The following SLIT3 variants were observed in gnomAD, a reference collection of about 807,000 sequenced individuals.
SLIT3 encodes the protein slit guidance ligand 3.
A neutral mutation model predicts 184.0 loss-of-function variants in SLIT3; 68 were observed. The ratio of observed to expected loss-of-function variants is 0.37; its 90% CI spans 0.30 to 0.45. The LOEUF (loss-of-function observed/expected upper bound fraction) is 0.45, where lower values mean the gene tolerates loss of function less well. Ranked by LOEUF, SLIT3 falls within the 20% of genes least tolerant of loss-of-function variation. SLIT3 has a pLI of 1.00. For missense variants in SLIT3, 1,707 were observed against 2,026.0 expected (o/e 0.84, Z 3.02); for synonymous variants, 831 against 828.6 (o/e 1.00, Z -0.05).
intron 20 of SLIT3, among the ~76,000 whole-genome samples, chr5:168,738,735 G>A (rs1383168892): frequency 2.6e-5 from 4 of 152,094 alleles, no homozygotes; most frequent in Non-Finnish European, 4.4e-5. Flanking sequence ...TCAGGAGATC[G>A]AGACCATCCT....
intron 3 of SLIT3, among the ~76,000 whole-genome samples, chr5:169,217,989 C>G (rs1034663311): frequency 3.3e-5 from 5 of 152,340 alleles, no homozygotes; most frequent in Admixed American, 3.3e-4. Flanking sequence ...ACCTTTTCGT[C>G]TCACACCCAA....
chr5:168,841,401 C>T (rs1274248367), intron 6 of SLIT3, among the ~76,000 whole-genome samples: 2 of 152,140 alleles, frequency 1.3e-5, no homozygotes, highest in African/African-American at 2.4e-5. Flanking sequence ...ATTCCTCCTC[C>T]GTAGTGGCAT....
At chr5:169,227,360 C>T (rs951910741) in intron 3 of SLIT3, among the ~76,000 whole-genome samples, 1 of 152,118 alleles carries the variant, frequency 6.6e-6, no homozygotes. Flanking sequence ...ACCTTACATG[C>T]GTTATCTTAA....
At chr5:169,001,138 T>C (rs1291134302) in intron 4 of SLIT3, among the ~76,000 whole-genome samples, 27 of 152,262 alleles carry the variant, frequency 1.8e-4, no homozygotes, top group Non-Finnish European at 1.0e-4. Context: ...AGTGCTTTGC[T>C]ATTTTTATAA....
intron 4 of SLIT3, among the ~76,000 whole-genome samples, chr5:168,938,724 G>A (rs1015082935): frequency 6.6e-6 from 1 of 152,038 alleles, no homozygotes; most frequent in South Asian, 2.1e-4. Context: ...TCCTCCTCCC[G>A]GGTTCAAGCG....
At chr5:168,997,453 G>A (rs922601866) in intron 4 of SLIT3, among the ~76,000 whole-genome samples, 1 of 152,152 alleles carries the variant, frequency 6.6e-6, no homozygotes, top group African/African-American at 2.4e-5. Flanking sequence ...CTGAAAGAGG[G>A]AGGGTCTTCT....
chr5:168,718,677 T>TACACACACACACAC lies in SLIT3; in HGVS notation c.2483+3565_2483+3578dup, dbSNP rs1163238928. 2.1e-3 allele frequency among the ~76,000 whole-genome samples: 226 copies of TACACACACACACAC among 108,668 alleles called. 12 individuals carry two copies. The highest frequency in any genetic ancestry group is 0.011 in the Middle Eastern group (2 of 184). 71.3% of individuals were successfully genotyped at this position (108,668 alleles called of 152,430 possible). On this transcript the variant is annotated intron_variant, in intron 23 of 35. Coordinates refer to ENST00000519560, the MANE Select transcript of SLIT3 (RefSeq NM_003062.4). ...CCTGAAATGTATTCATATCCACCCA[T>TACACACACACACAC]ACACACACACACACACACACACACA... is the stretch of plus-strand genomic sequence containing the variant.
At chr5:168,835,357 G>A (rs1424606554) in intron 6 of SLIT3, among the ~76,000 whole-genome samples, 2 of 152,004 alleles carry the variant, frequency 1.3e-5, no homozygotes, top group Non-Finnish European at 2.9e-5. Flanking sequence ...TTAGTTACAA[G>A]TTAAAAGAAA....
Position 169,300,779 on chromosome 5 carries a change from CG to C in SLIT3, c.-71del. 1 of 1,239,334 alleles carries C rather than the reference CG, an allele frequency of 8.1e-7. No homozygotes were observed. Among genetic ancestry groups the C allele is most frequent in the African/African-American group, 1.6e-5 (1 of 63,930 alleles). 76.8% of individuals were successfully genotyped at this position (1,239,334 alleles called of 1,614,324 possible). On this transcript the variant is annotated 5_prime_UTR_variant, in exon 1 of 36. Coordinates refer to ENST00000519560, the MANE Select transcript of SLIT3 (RefSeq NM_003062.4). This position sits in a 1 kb window ranked among gnomAD's most constrained non-coding sequence, Gnocchi z 4.1. Reference sequence around the variant, plus strand: ...AAGACGCGTGGAGCCCGAGGAGGCGCGCGGGGAGCGCGGGCGGCCTGGGGAG... The same window carrying C: ...AAGACGCGTGGAGCCCGAGGAGGCGCCGGGGAGCGCGGGCGGCCTGGGGAG...
intron 4 of SLIT3, among the ~76,000 whole-genome samples, chr5:168,910,244 T>C (rs76439347): frequency 0.028 from 4,272 of 152,350 alleles, 95 homozygotes; most frequent in Non-Finnish European, 0.04. Context: ...TAACTTTCTC[T>C]TTCTGTTGTC....
intron 4 of SLIT3, among the ~76,000 whole-genome samples, chr5:169,039,482 A>G (rs1338263967): frequency 6.6e-6 from 1 of 151,730 alleles, no homozygotes; most frequent in Non-Finnish European, 1.5e-5. Context: ...ACGTCTGGCT[A>G]ATTTTTTGTA....
intron 4 of SLIT3, among the ~76,000 whole-genome samples, chr5:169,162,563 T>C (rs188421203): frequency 2.6e-5 from 4 of 152,280 alleles, no homozygotes; most frequent in South Asian, 2.1e-4. Flanking sequence ...TATTCCCTAA[T>C]TATCAAAACC....
At chr5:168,817,901 T>C (rs1230191129) in intron 7 of SLIT3, among the ~76,000 whole-genome samples, 1 of 152,112 alleles carries the variant, frequency 6.6e-6, no homozygotes, top group Non-Finnish European at 1.5e-5. Flanking sequence ...TCCAGCGACA[T>C]GCAGCTGAGA....
At chr5:168,878,168 T>A (rs1759809117) in intron 5 of SLIT3, among the ~76,000 whole-genome samples, 1 of 152,202 alleles carries the variant, frequency 6.6e-6, no homozygotes, top group Admixed American at 6.5e-5. Flanking sequence ...CCTGTCTCTC[T>A]TTAAATACAG....
At chr5:168,746,586 GTGTGA>G in intron 20 of SLIT3, among the ~76,000 whole-genome samples, 1 of 123,824 alleles carries the variant, frequency 8.1e-6, no homozygotes, top group Non-Finnish European at 1.7e-5. Flanking sequence ...GGTGTGTGGT[GTGTGA>G]GTGTGGTGGT....
Position 168,673,348 on chromosome 5 carries a change from G to C in SLIT3, c.3687-17C>G. ...GTCTCCACACTGGCCAGTAGAGAAG[G>C]GGAGAAAGCCGGAGAGTTCACTAAG... On this transcript the variant is annotated splice_polypyrimidine_tract_variant and intron_variant, in intron 32 of 35. Transcript: ENST00000519560. The C allele has an allele frequency of 3.1e-6, 5 of 1,613,660 alleles. No individual in the cohort carries two copies. The highest frequency in any genetic ancestry group is 4.2e-6 in the Non-Finnish European group (5 of 1,179,634).
At chr5:168,877,124 C>T (rs1450581603) in intron 5 of SLIT3, among the ~76,000 whole-genome samples, 2 of 152,118 alleles carry the variant, frequency 1.3e-5, no homozygotes, top group Admixed American at 1.3e-4. Context: ...TTGCTATGTG[C>T]ATCCAGAGAC....
chr5:169,118,896 T>A (rs1007013718), intron 4 of SLIT3, among the ~76,000 whole-genome samples: 1 of 152,258 alleles, frequency 6.6e-6, no homozygotes, highest in African/African-American at 2.4e-5. Context: ...TTTTAATTTT[T>A]TTTTTACAGT....
chr5:168,833,125 A>G (rs1757932394), intron 6 of SLIT3, among the ~76,000 whole-genome samples: 1 of 152,210 alleles, frequency 6.6e-6, no homozygotes, highest in Non-Finnish European at 1.5e-5. Context: ...TTCTGTTTCT[A>G]AAGGTAAGAC....
Sources: allele counts gnomAD v4.1 joint callset (sites outside exome capture counted in the v4.1 genomes callset), GRCh38; gene constraint gnomAD v4.1.1; non-coding constraint Gnocchi (gnomAD v3.1); transcripts MANE v1.5; gene names NCBI Gene and HGNC (gene_info 2026-07-23, HGNC 2026-07-21).